The following CLSTN2 variants were observed in gnomAD, a reference collection of about 807,000 sequenced individuals.
The protein encoded by CLSTN2 is calsyntenin-2.
Under a neutral mutation model 101.2 loss-of-function variants are expected in CLSTN2, and 48 were observed. The observed-to-expected ratio is 0.47, with a 90% CI of 0.38 to 0.60. The LOEUF (loss-of-function observed/expected upper bound fraction) is 0.60. Among genes scored for constraint, CLSTN2 ranks in the 20% least tolerant of loss-of-function variants. The probability of loss-of-function intolerance (pLI) is 0.00; values close to 1 mark genes in which losing one functional copy is unlikely to be tolerated. For synonymous variants in CLSTN2, 481 were observed against 463.6 expected (o/e 1.04, Z -0.48); for missense variants, 1,160 against 1,238.2 (o/e 0.94, Z 0.95).
At chr3:140,166,489 G>T (rs2010136817) in intron 1 of CLSTN2, among the ~76,000 whole-genome samples, 1 of 152,168 alleles carries the variant, frequency 6.6e-6, no homozygotes, top group Non-Finnish European at 1.5e-5. Flanking sequence ...AAAGATCCAG[G>T]GTTGTCCAGA....
At chr3:140,081,742 G>T (rs185799749) in intron 1 of CLSTN2, among the ~76,000 whole-genome samples, 1 of 152,208 alleles carries the variant, frequency 6.6e-6, no homozygotes, top group Non-Finnish European at 1.5e-5. Flanking sequence ...CAGAGCAAGG[G>T]TTAGAGCCTT....
At chr3:139,988,630 C>G (rs957103748) in intron 1 of CLSTN2, among the ~76,000 whole-genome samples, 5 of 152,100 alleles carry the variant, frequency 3.3e-5, no homozygotes, top group African/African-American at 1.2e-4. Flanking sequence ...AAGCACTTGC[C>G]ATGGTCTGTG....
intron 2 of CLSTN2, among the ~76,000 whole-genome samples, chr3:140,195,396 G>T (rs1274051462): frequency 6.6e-6 from 1 of 152,084 alleles, no homozygotes; most frequent in African/African-American, 2.4e-5. Flanking sequence ...GGGTCTCAAG[G>T]CCCCTAGGTG....
At chr3:140,164,469 C>T (rs994384521) in intron 1 of CLSTN2, among the ~76,000 whole-genome samples, 1 of 152,150 alleles carries the variant, frequency 6.6e-6, no homozygotes, top group Non-Finnish European at 1.5e-5. Flanking sequence ...CTCTCAAAAA[C>T]CTTGCAGAAT....
At chr3:140,326,955 C>T (rs1195541747) in intron 2 of CLSTN2, among the ~76,000 whole-genome samples, 1 of 152,136 alleles carries the variant, frequency 6.6e-6, no homozygotes, top group East Asian at 1.9e-4. Flanking sequence ...TTAATACCAA[C>T]TGTTTGCCCT....
At chr3:140,488,020 C>A (rs1383365217) in intron 8 of CLSTN2, among the ~76,000 whole-genome samples, 1 of 152,108 alleles carries the variant, frequency 6.6e-6, no homozygotes, top group Admixed American at 6.5e-5. Flanking sequence ...GTCTTATAAG[C>A]CAAGAGCAAA....
chr3:140,228,894 C>A (rs2086347248), intron 2 of CLSTN2, among the ~76,000 whole-genome samples: 2 of 152,300 alleles, frequency 1.3e-5, no homozygotes, highest in Middle Eastern at 3.4e-3. Flanking sequence ...CCTCCCACAA[C>A]ACATGGGAAG....
chr3:140,471,432 C>G (rs1300216079), intron 8 of CLSTN2, among the ~76,000 whole-genome samples: 1 of 152,162 alleles, frequency 6.6e-6, no homozygotes, highest in Admixed American at 6.5e-5. Context: ...GTACCCCCAG[C>G]TCACATAAGG....
chr3:140,484,260 A>G (rs1445127819), intron 8 of CLSTN2, among the ~76,000 whole-genome samples: 6 of 152,168 alleles, frequency 3.9e-5, no homozygotes, highest in Non-Finnish European at 7.4e-5. Flanking sequence ...TGGGTTGAAA[A>G]TTCTTTTCTT....
At chr3:139,953,544 C>T (rs1279137123) in intron 1 of CLSTN2, among the ~76,000 whole-genome samples, 20 of 152,182 alleles carry the variant, frequency 1.3e-4, no homozygotes, top group Admixed American at 1.3e-3. Flanking sequence ...CTAGACCCCT[C>T]TGTGCTTGCC....
At chr3:140,295,819 G>A (rs961065665) in intron 2 of CLSTN2, among the ~76,000 whole-genome samples, 1 of 152,144 alleles carries the variant, frequency 6.6e-6, no homozygotes, top group Admixed American at 6.6e-5. Context: ...TATCAGTAAA[G>A]TCCTATTTCT....
intron 1 of CLSTN2, among the ~76,000 whole-genome samples, chr3:140,164,126 T>C (rs2010095790): frequency 6.6e-6 from 1 of 152,200 alleles, no homozygotes; most frequent in African/African-American, 2.4e-5. Flanking sequence ...AGCAAGTGAA[T>C]GTGAGCATTA....
rs758728918 is a variant in CLSTN2 at position 139,935,440 on chromosome 3, C to A, written c.66C>A (p.Gly22=). 11 of 1,231,342 alleles carry A rather than the reference C, an allele frequency of 8.9e-6. No individual in the cohort carries two copies. The highest frequency in any genetic ancestry group is 1.1e-5 in the Non-Finnish European group (11 of 987,428). The allele number at this position is 1,231,342 out of a possible 1,614,324, so 76.3% of individuals were successfully genotyped here. The change falls in exon 1 of 17, where the codon GGC becomes GGA. Residue 22 remains glycine, a synonymous_variant. Coordinates refer to ENST00000458420, the MANE Select transcript of CLSTN2 (RefSeq NM_022131.3). This position sits in a 1 kb window ranked among gnomAD's most constrained non-coding sequence, Gnocchi z 5.5. The part of the protein sequence containing the change: ...LLALGVGSGS[G]GGGDSRQRRL... Reference sequence around the variant, plus strand: ...CGCTGGGCGTGGGGAGCGGCAGCGGCGGTGGCGGGGACAGCCGGCAGCGCC... The same window carrying A: ...CGCTGGGCGTGGGGAGCGGCAGCGGAGGTGGCGGGGACAGCCGGCAGCGCC...
intron 2 of CLSTN2, among the ~76,000 whole-genome samples, chr3:140,387,975 G>T (rs534423873): frequency 6.6e-6 from 1 of 152,160 alleles, no homozygotes; most frequent in Non-Finnish European, 1.5e-5. Context: ...GAAGGGACTG[G>T]GTTCTATTCC....
At chr3:140,203,931 C>A (rs1169407451) in intron 2 of CLSTN2, among the ~76,000 whole-genome samples, 2 of 152,190 alleles carry the variant, frequency 1.3e-5, no homozygotes, top group African/African-American at 4.8e-5. Context: ...AGAAATGTGT[C>A]TCTCCAGGGT....
chr3:140,144,714 G>C (rs2009755985), intron 1 of CLSTN2, among the ~76,000 whole-genome samples: 1 of 152,136 alleles, frequency 6.6e-6, no homozygotes, highest in Non-Finnish European at 1.5e-5. Context: ...GGCTCAAAGT[G>C]CTATTTGTAC....
intron 9 of CLSTN2, among the ~76,000 whole-genome samples, chr3:140,532,788 C>T (rs1349468860): frequency 1.3e-5 from 2 of 152,112 alleles, no homozygotes; most frequent in Non-Finnish European, 2.9e-5. Context: ...TGGGGCAATG[C>T]AGAGAAAAAA....
At chr3:140,487,028 GGA>G (rs1934254154) in intron 8 of CLSTN2, among the ~76,000 whole-genome samples, 1 of 152,156 alleles carries the variant, frequency 6.6e-6, no homozygotes, top group Non-Finnish European at 1.5e-5. Flanking sequence ...GCCTCAGTAT[GGA>G]CCTGTGCTAA....
At chr3:140,470,953 T>G (rs1352455091) in intron 8 of CLSTN2, among the ~76,000 whole-genome samples, 1 of 152,146 alleles carries the variant, frequency 6.6e-6, no homozygotes, top group Non-Finnish European at 1.5e-5. Flanking sequence ...AGAGGCACTG[T>G]GTGCTTTAGT....
Sources: gnomAD v4.1 joint callset for allele counts (sites outside exome capture counted in the v4.1 genomes callset) on GRCh38, gnomAD v4.1.1 for gene constraint, Gnocchi (gnomAD v3.1) non-coding constraint, MANE v1.5 for transcripts, NCBI Gene and HGNC (gene_info 2026-07-23, HGNC 2026-07-21) for gene names.